SPMAP2L: variants seen among roughly 807,000 people sequenced by gnomAD.
The protein encoded by SPMAP2L is sperm microtubule associated protein 2 like, also known as sperm microtubule associated protein 2-like.
the SPMAP2L span, among the ~76,000 whole-genome samples, chr4:56,612,600 C>A: frequency 6.6e-6 from 1 of 151,966 alleles, no homozygotes. Flanking sequence ...GACAGTCTCA[C>A]TCTGTCACCC....
the SPMAP2L span, among the ~76,000 whole-genome samples, chr4:56,580,693 A>G: frequency 6.6e-6 from 1 of 152,184 alleles, no homozygotes; most frequent in Non-Finnish European, 1.5e-5. Flanking sequence ...AGAGAAGTAA[A>G]ACCATCTCAA....
the SPMAP2L span, chr4:56,594,079 A>C: frequency 1.6e-5 from 25 of 1,608,914 alleles, no homozygotes; most frequent in Non-Finnish European, 1.9e-5. Flanking sequence ...CTCTTGATGA[A>C]ACAGTCAATG....
chr4:56,572,260 A>G, the SPMAP2L span, among the ~76,000 whole-genome samples: 2 of 152,258 alleles, frequency 1.3e-5, no homozygotes, highest in Non-Finnish European at 2.9e-5. Context: ...CAGCATAACC[A>G]TAAACATATG....
chr4:56,589,680 T>TTTG, the SPMAP2L span, among the ~76,000 whole-genome samples: 2 of 151,958 alleles, frequency 1.3e-5, no homozygotes, highest in African/African-American at 2.4e-5. Context: ...TAAGGTTTTT[T>TTTG]TTGTTGTTGT....
the SPMAP2L span, among the ~76,000 whole-genome samples, chr4:56,547,521 C>T: frequency 3.6e-4 from 55 of 152,302 alleles, no homozygotes; most frequent in Non-Finnish European, 6.8e-4. Context: ...GCTGGGATTA[C>T]AGGCATGAGC....
chr4:56,553,236 G>A, the SPMAP2L span, among the ~76,000 whole-genome samples: 1 of 127,150 alleles, frequency 7.9e-6, no homozygotes, highest in Non-Finnish European at 1.6e-5. Flanking sequence ...TGTTTCTCAG[G>A]CTGGAGTGCT....
the SPMAP2L span, chr4:56,595,634 A>G: frequency 2.7e-3 from 3,371 of 1,254,248 alleles, 50 homozygotes; most frequent in African/African-American, 0.029. Flanking sequence ...TTGATGACAT[A>G]TATGGAGATC....
chr4:56,560,909 C>G, the SPMAP2L span, among the ~76,000 whole-genome samples: 4 of 151,684 alleles, frequency 2.6e-5, no homozygotes, highest in Non-Finnish European at 5.9e-5. Flanking sequence ...CCATGTCTGG[C>G]TACTTTTTGT....
At chr4:56,600,225 A>G in the SPMAP2L span, among the ~76,000 whole-genome samples, 1 of 149,666 alleles carries the variant, frequency 6.7e-6, no homozygotes, top group Non-Finnish European at 1.5e-5. Context: ...GACTGATTAC[A>G]GGCACAAGCC....
chr4:56,622,087 G>A, the SPMAP2L span, among the ~76,000 whole-genome samples: 1 of 152,204 alleles, frequency 6.6e-6, no homozygotes, highest in Non-Finnish European at 1.5e-5. Flanking sequence ...GGACAGGGTA[G>A]GGAGCAGAGG....
At chr4:56,599,740 T>G in the SPMAP2L span, among the ~76,000 whole-genome samples, 4 of 152,214 alleles carry the variant, frequency 2.6e-5, no homozygotes, top group Admixed American at 6.5e-5. Context: ...ATCTCATTCT[T>G]TTTTATGGCT....
the SPMAP2L span, chr4:56,593,177 G>T: frequency 2.4e-3 from 3,640 of 1,541,866 alleles, 27 homozygotes; most frequent in Non-Finnish European, 2.2e-3. Flanking sequence ...GGGGAGGCTG[G>T]AGAGTTTACT....
At chr4:56,575,529 AAG>A in the SPMAP2L span, 8 of 1,535,416 alleles carry the variant, frequency 5.2e-6, no homozygotes, top group Middle Eastern at 1.7e-4. Flanking sequence ...ACAGCTGTGG[AAG>A]AGAGTCTGTA....
the SPMAP2L span, among the ~76,000 whole-genome samples, chr4:56,610,918 T>A: frequency 1.3e-4 from 20 of 152,086 alleles, no homozygotes; most frequent in Non-Finnish European, 2.6e-4. Context: ...CCTGAAAGGA[T>A]GGCCATAATA....
chr4:56,543,889 AGAGAGAGTGTGTGTGTGTGT>A, the SPMAP2L span, among the ~76,000 whole-genome samples: 1 of 130,120 alleles, frequency 7.7e-6, no homozygotes, highest in African/African-American at 2.9e-5. Flanking sequence ...AGAGAGAGAG[AGAGAGAGTGTGTGTGTGTGT>A]GTGTGTGTGT....
At chr4:56,578,705 T>C in the SPMAP2L span, among the ~76,000 whole-genome samples, 2 of 152,010 alleles carry the variant, frequency 1.3e-5, no homozygotes, top group African/African-American at 4.8e-5. Context: ...CATACTGATA[T>C]CAGACAATAT....
the SPMAP2L span, chr4:56,595,747 T>C: frequency 1.2e-6 from 1 of 866,400 alleles, no homozygotes; most frequent in Non-Finnish European, 2.0e-6. Context: ...TTTAAAGGAC[T>C]GATTTGGTGC....
the SPMAP2L span, chr4:56,601,021 G>C: frequency 6.5e-7 from 1 of 1,535,356 alleles, no homozygotes; most frequent in Non-Finnish European, 8.7e-7. Context: ...TTATCTACCT[G>C]ACCGTGATGC....
At chr4:56,572,790 T>A in the SPMAP2L span, among the ~76,000 whole-genome samples, 2 of 151,948 alleles carry the variant, frequency 1.3e-5, no homozygotes, top group Non-Finnish European at 2.9e-5. Flanking sequence ...CCAAGGCAGG[T>A]GGATCACCTG....
Sources: allele counts gnomAD v4.1 joint callset (sites outside exome capture counted in the v4.1 genomes callset), GRCh38; gene constraint gnomAD v4.1.1; transcripts MANE v1.5; gene names NCBI Gene and HGNC (gene_info 2026-07-23, HGNC 2026-07-21).